TRHDE: variants seen among roughly 807,000 people sequenced by gnomAD.
TRHDE encodes thyrotropin-releasing hormone-degrading ectoenzyme.
Under a neutral mutation model 125.7 loss-of-function variants are expected in TRHDE, and 72 were observed. The observed-to-expected ratio is 0.57, with a 90% confidence interval of 0.47 to 0.70. The LOEUF is 0.70. Ranked by LOEUF, TRHDE falls within the 30% of genes least tolerant of loss-of-function variation. The probability of loss-of-function intolerance (pLI) is 0.00; values close to 1 mark genes in which losing one functional copy is unlikely to be tolerated. For synonymous variants in TRHDE, 509 were observed against 509.1 expected (o/e 1.00, Z 0.00); for missense variants, 1,110 against 1,327.1 (o/e 0.84, Z 2.54).
At chr12:72,517,529 C>T (rs1257939347) in intron 6 of TRHDE, among the ~76,000 whole-genome samples, 2 of 152,214 alleles carry the variant, frequency 1.3e-5, no homozygotes, top group African/African-American at 4.8e-5. Context: ...TTTGATTCTT[C>T]TCTCTTTTTT....
chr12:72,201,403 G>A (rs1565661248), intron 2 of TRHDE, among the ~76,000 whole-genome samples: 1 of 152,076 alleles, frequency 6.6e-6, no homozygotes, highest in East Asian at 1.9e-4. Context: ...TTTTGGCTAA[G>A]ATTTTGAAGT....
At chr12:72,600,698 C>T (rs1250799897) in intron 12 of TRHDE, among the ~76,000 whole-genome samples, 4 of 152,120 alleles carry the variant, frequency 2.6e-5, no homozygotes, top group African/African-American at 9.6e-5. Flanking sequence ...AATTCTAGGA[C>T]TCTTCAGAAT....
chr12:72,445,900 C>A (rs1336258931), intron 3 of TRHDE, among the ~76,000 whole-genome samples: 1 of 151,942 alleles, frequency 6.6e-6, no homozygotes, highest in African/African-American at 2.4e-5. Context: ...TCTGGCAACA[C>A]TGGGCCTGCA....
At chr12:72,415,101 T>G (rs1873676715) in intron 3 of TRHDE, among the ~76,000 whole-genome samples, 1 of 152,070 alleles carries the variant, frequency 6.6e-6, no homozygotes, top group Non-Finnish European at 1.5e-5. Context: ...TGATACAAAT[T>G]TATACAAATG....
At chr12:72,154,325 A>T (rs1157782163) in intron 2 of TRHDE, among the ~76,000 whole-genome samples, 1 of 152,200 alleles carries the variant, frequency 6.6e-6, no homozygotes, top group Non-Finnish European at 1.5e-5. Context: ...AATACAGCAC[A>T]CTGATGGGTC....
intron 7 of TRHDE, among the ~76,000 whole-genome samples, chr12:72,547,478 A>C (rs2135993577): frequency 6.6e-6 from 1 of 151,952 alleles, no homozygotes; most frequent in Admixed American, 6.6e-5. Flanking sequence ...GTGATTACTC[A>C]TAAAATAAGG....
In TRHDE at chr12:72,669,680, T is replaced by G. The variant is rs1214368391; in HGVS notation, c.*6485T>G. The G allele has an allele frequency of 3.3e-5, 5 of 151,786 alleles. No homozygotes were observed. The highest frequency in any genetic ancestry group is 2.9e-5 in the Non-Finnish European group (2 of 67,828). The allele number at this position is 151,786 out of a possible 1,614,324, so 9.4% of individuals were successfully genotyped here. On this transcript the variant is annotated 3_prime_UTR_variant, in exon 19 of 19. Transcript: ENST00000261180. Reference sequence around the variant, plus strand: ...ACATTCATTATTAAGTTTTTGCTATTAATTTTCATTTAAAATAGGTTTATT... The same window carrying G: ...ACATTCATTATTAAGTTTTTGCTATGAATTTTCATTTAAAATAGGTTTATT...
chr12:72,350,205 G>A (rs1592561698), intron 2 of TRHDE, among the ~76,000 whole-genome samples: 1 of 151,890 alleles, frequency 6.6e-6, no homozygotes, highest in African/African-American at 2.4e-5. Context: ...GCTTTATGAT[G>A]TATTCAATCT....
At chr12:72,513,179 C>G (rs933209016) in intron 6 of TRHDE, among the ~76,000 whole-genome samples, 76 of 152,076 alleles carry the variant, frequency 5.0e-4, no homozygotes, top group African/African-American at 1.7e-3. Flanking sequence ...TCGTGTGGAC[C>G]TAAATATTAT....
Position 72,473,075 on chromosome 12 carries a change from T to C in TRHDE, c.1479T>C (p.Gly493=), listed in dbSNP as rs1876723093. 6.2e-7 allele frequency: 1 copy of C among 1,613,660 alleles called. No homozygotes were observed. Reference sequence around the variant, plus strand: ...TAATTTTGTTACTGCAGTGGTTTGGTGACCTTGTGACGCCTGTGTGGTGGG... The same window carrying C: ...TAATTTTGTTACTGCAGTGGTTTGGCGACCTTGTGACGCCTGTGTGGTGGG... The part of the protein sequence containing the change: ...IVHEICHQWF[G]DLVTPVWWED... The change falls in exon 5 of 19, where the codon GGT becomes GGC. Residue 493 remains glycine, a synonymous_variant. Coordinates refer to ENST00000261180, the MANE Select transcript of TRHDE (RefSeq NM_013381.3).
At chr12:72,165,789 C>T (rs954594666) in intron 2 of TRHDE, among the ~76,000 whole-genome samples, 1 of 152,010 alleles carries the variant, frequency 6.6e-6, no homozygotes, top group Admixed American at 6.6e-5. Flanking sequence ...ATTCTCCTGC[C>T]TCAGCCTCCT....
At chr12:72,298,113 A>G (rs1194303793) in intron 2 of TRHDE, among the ~76,000 whole-genome samples, 2 of 152,340 alleles carry the variant, frequency 1.3e-5, no homozygotes, top group South Asian at 2.1e-4. Context: ...TTAAGAGTCT[A>G]CATATTGAAG....
chr12:72,497,894 T>G (rs683101), intron 5 of TRHDE, among the ~76,000 whole-genome samples: 81,536 of 151,988 alleles, frequency 0.54, 26,467 homozygotes, highest in South Asian at 0.74. Context: ...AATTCTACTC[T>G]TTTTAATTTG....
chr12:72,237,672 C>T (rs1878361014), intron 2 of TRHDE, among the ~76,000 whole-genome samples: 2 of 152,166 alleles, frequency 1.3e-5, no homozygotes, highest in Non-Finnish European at 2.9e-5. Context: ...AAGAAGGTGC[C>T]TGCTTCCTCT....
At chr12:72,462,569 T>C (rs964242205) in intron 3 of TRHDE, among the ~76,000 whole-genome samples, 5 of 152,320 alleles carry the variant, frequency 3.3e-5, no homozygotes, top group South Asian at 2.1e-4. Context: ...CATTTATTTT[T>C]CAGTTACCTT....
intron 2 of TRHDE, among the ~76,000 whole-genome samples, chr12:72,349,558 G>GGT (rs1555178313): frequency 6.6e-6 from 1 of 151,630 alleles, no homozygotes; most frequent in African/African-American, 2.4e-5. Flanking sequence ...TTTTGGGCGG[G>GGT]GGGGTGGTGT....
intron 3 of TRHDE, among the ~76,000 whole-genome samples, chr12:72,391,824 A>T (rs2135791732): frequency 6.6e-6 from 1 of 152,312 alleles, no homozygotes; most frequent in African/African-American, 2.4e-5. Context: ...TGTAGCAGAA[A>T]TTTGGGCATA....
intron 3 of TRHDE, among the ~76,000 whole-genome samples, chr12:72,453,725 C>T (rs1300577018): frequency 6.6e-6 from 1 of 152,200 alleles, no homozygotes; most frequent in Non-Finnish European, 1.5e-5. Context: ...GAGCCAGGCT[C>T]AGAGCCCTGT....
At position 72,362,190 on chromosome 12, in the gene TRHDE, G is replaced by C. The variant is rs1337943672; in HGVS notation, c.1189-15805G>C. On this transcript the variant is annotated intron_variant, in intron 2 of 18. Coordinates refer to ENST00000261180, the MANE Select transcript of TRHDE (RefSeq NM_013381.3). ...TTACAGTCCCACCAACAGTGTAAAA[G>C]TGTTCCTATTTCTCCACATCCTCTC... Among the ~76,000 whole-genome samples, 833 of 141,136 alleles carry C rather than the reference G, an allele frequency of 5.9e-3. 10 individuals are homozygous for C. Among genetic ancestry groups the C allele is most frequent in the African/African-American group, 0.021 (773 of 37,574 alleles). 92.6% of individuals were successfully genotyped at this position (141,136 alleles called of 152,430 possible).
Sources: allele counts gnomAD v4.1 joint callset (sites outside exome capture counted in the v4.1 genomes callset), GRCh38; gene constraint gnomAD v4.1.1; transcripts MANE v1.5; gene names NCBI Gene and HGNC (gene_info 2026-07-23, HGNC 2026-07-21).